PARD3: variants seen among roughly 807,000 people sequenced by gnomAD.
PARD3 encodes par-3 family cell polarity regulator.
A neutral mutation model predicts 155.4 loss-of-function variants in PARD3; 75 were observed. That is an observed-to-expected ratio of 0.48 (90% CI 0.40 to 0.58). The LOEUF (loss-of-function observed/expected upper bound fraction) is 0.58, where lower values mean the gene tolerates loss of function less well. Ranked by LOEUF, PARD3 falls within the 20% of genes least tolerant of loss-of-function variation. The probability of loss-of-function intolerance (pLI) is 0.00; values close to 1 mark genes in which losing one functional copy is unlikely to be tolerated. For missense variants in PARD3, 1,642 were observed against 1,721.7 expected (o/e 0.95, Z 0.82); for synonymous variants, 576 against 610.5 (o/e 0.94, Z 0.83).
At chr10:34,770,781 C>T (rs1838757782) in intron 1 of PARD3, among the ~76,000 whole-genome samples, 1 of 152,112 alleles carries the variant, frequency 6.6e-6, no homozygotes, top group Admixed American at 6.5e-5. Context: ...GGGGTATCAC[C>T]TGCAATGATG....
intron 1 of PARD3, among the ~76,000 whole-genome samples, chr10:34,801,690 C>A (rs1842854389): frequency 6.6e-6 from 1 of 152,152 alleles, no homozygotes; most frequent in Admixed American, 6.5e-5. Context: ...TTACAACTAC[C>A]TACCTAAGCA....
chr10:34,314,324 G>C (rs562485189), intron 20 of PARD3, among the ~76,000 whole-genome samples: 1 of 152,310 alleles, frequency 6.6e-6, no homozygotes, highest in East Asian at 1.9e-4. Flanking sequence ...TGCTTTAACA[G>C]TCTTCTCAAA....
At chr10:34,371,077 C>T (rs1354190523) in intron 12 of PARD3, among the ~76,000 whole-genome samples, 1 of 151,878 alleles carries the variant, frequency 6.6e-6, no homozygotes, top group Non-Finnish European at 1.5e-5. Flanking sequence ...TTTGTTTAAC[C>T]CTATAACAAT....
At position 34,248,911 on chromosome 10, in the gene PARD3, A is replaced by G. The variant is rs149461585; in HGVS notation, c.3419+20746T>C. On this transcript the variant is annotated intron_variant, in intron 22 of 24. Transcript: ENST00000374788. ...TATTCCAAAGGTAAGCAAAATGTGAAGAGCAGCCTTAGTTAACCGGGGATT... is the reference window on the plus strand; with the variant it reads ...TATTCCAAAGGTAAGCAAAATGTGAGGAGCAGCCTTAGTTAACCGGGGATT... Among the ~76,000 whole-genome samples, 11 of 152,366 alleles carry G rather than the reference A, an allele frequency of 7.2e-5. No homozygotes were observed. The East Asian group carries it at 2.1e-3, about 29-fold the overall frequency.
At chr10:34,443,814 T>C (rs975184352) in intron 5 of PARD3, among the ~76,000 whole-genome samples, 1 of 151,974 alleles carries the variant, frequency 6.6e-6, no homozygotes. Flanking sequence ...AGAAAAAGCA[T>C]CACAGCTGCA....
intron 22 of PARD3, among the ~76,000 whole-genome samples, chr10:34,164,098 T>A (rs1340852737): frequency 6.6e-6 from 1 of 152,122 alleles, no homozygotes; most frequent in Non-Finnish European, 1.5e-5. Context: ...AAATCACTAA[T>A]ACAGACATTG....
intron 22 of PARD3, among the ~76,000 whole-genome samples, chr10:34,233,346 C>A (rs757180978): frequency 6.6e-6 from 1 of 151,932 alleles, no homozygotes; most frequent in Non-Finnish European, 1.5e-5. Flanking sequence ...TGCTCCTTGT[C>A]GCTTCTGTAC....
chr10:34,640,025 A>T (rs2092619630), intron 2 of PARD3, among the ~76,000 whole-genome samples: 1 of 152,214 alleles, frequency 6.6e-6, no homozygotes, highest in African/African-American at 2.4e-5. Context: ...TTCTCTCCAT[A>T]AAACCTCCCA....
intron 5 of PARD3, among the ~76,000 whole-genome samples, chr10:34,405,079 A>C (rs1578673): frequency 0.016 from 925 of 59,396 alleles, 21 homozygotes; most frequent in African/African-American, 0.087. Flanking sequence ...CACAAACACA[A>C]ACACACACAC....
chr10:34,625,905 C>T (rs904256003), intron 2 of PARD3, among the ~76,000 whole-genome samples: 1 of 152,178 alleles, frequency 6.6e-6, no homozygotes, highest in African/African-American at 2.4e-5. Flanking sequence ...GAGCGAAACT[C>T]CACCTCAAAA....
chr10:34,571,750 A>C (rs2086423348), intron 2 of PARD3, among the ~76,000 whole-genome samples: 1 of 152,254 alleles, frequency 6.6e-6, no homozygotes, highest in Non-Finnish European at 1.5e-5. Context: ...TTGAACCAAC[A>C]AGTCAAGTTT....
intron 2 of PARD3, among the ~76,000 whole-genome samples, chr10:34,623,335 T>C (rs539938877): frequency 1.2e-4 from 18 of 152,296 alleles, no homozygotes; most frequent in Non-Finnish European, 2.4e-4. Context: ...TTATGCACAT[T>C]AGATATGCAT....
At chr10:34,126,330 G>A (rs978257972) in intron 23 of PARD3, among the ~76,000 whole-genome samples, 1 of 152,214 alleles carries the variant, frequency 6.6e-6, no homozygotes, top group Admixed American at 6.5e-5. Flanking sequence ...TAGGTAGATT[G>A]AAAGGGCTAC....
intron 4 of PARD3, among the ~76,000 whole-genome samples, chr10:34,458,652 T>TTC (rs1487112241): frequency 6.6e-6 from 1 of 152,158 alleles, no homozygotes; most frequent in Non-Finnish European, 1.5e-5. Flanking sequence ...ATAACTTAGA[T>TTC]TATCTTCTTT....
chr10:34,380,474 C>A (rs1184203257), intron 9 of PARD3, among the ~76,000 whole-genome samples: 1 of 151,968 alleles, frequency 6.6e-6, no homozygotes, highest in Non-Finnish European at 1.5e-5. Context: ...ACAATGGTAC[C>A]AGTTTTGTAA....
chr10:34,126,298 C>T (rs1477071729), intron 23 of PARD3, among the ~76,000 whole-genome samples: 2 of 152,180 alleles, frequency 1.3e-5, no homozygotes, highest in Non-Finnish European at 2.9e-5. Context: ...ACTGCTAGAG[C>T]TTATAGAGAA....
At chr10:34,366,483 T>C (rs1176506723) in intron 12 of PARD3, among the ~76,000 whole-genome samples, 1 of 152,062 alleles carries the variant, frequency 6.6e-6, no homozygotes, top group Non-Finnish European at 1.5e-5. Flanking sequence ...CACCTGGATA[T>C]GATGGGCAGG....
At chr10:34,182,580 C>T (rs1950313632) in intron 22 of PARD3, among the ~76,000 whole-genome samples, 1 of 152,110 alleles carries the variant, frequency 6.6e-6, no homozygotes, top group African/African-American at 2.4e-5. Flanking sequence ...TCGGAAAACA[C>T]CTGGTATATC....
intron 22 of PARD3, among the ~76,000 whole-genome samples, chr10:34,226,225 T>C (rs959952406): frequency 1.1e-4 from 16 of 152,224 alleles, no homozygotes; most frequent in African/African-American, 3.9e-4. Flanking sequence ...AAAATACCAC[T>C]TCACACTCAC....
Sources: gnomAD v4.1 joint callset for allele counts (sites outside exome capture counted in the v4.1 genomes callset) on GRCh38, gnomAD v4.1.1 for gene constraint, MANE v1.5 for transcripts, NCBI Gene and HGNC (gene_info 2026-07-23, HGNC 2026-07-21) for gene names.